ZNF878: variants seen among roughly 807,000 people sequenced by gnomAD.
The protein encoded by ZNF878 is zinc finger protein 878.
Under a neutral mutation model 11.1 loss-of-function variants are expected in ZNF878, and 10 were observed. The ratio of observed to expected loss-of-function variants is 0.90; its 90% CI spans 0.56 to 1.53. The LOEUF (loss-of-function observed/expected upper bound fraction) is 1.53, where lower values mean the gene tolerates loss of function less well. ZNF878 is among the 40% of genes most tolerant of loss of function. The pLI is 0.00. For synonymous variants in ZNF878, 165 were observed against 209.7 expected, an observed-to-expected ratio of 0.79 and a Z score of 1.84; for missense variants, 548 against 626.1, an observed-to-expected ratio of 0.88 and a Z score of 1.33.
At position 12,052,915 on chromosome 19, in the gene ZNF878, G is replaced by A; in HGVS notation, c.-114C>T. On this transcript the variant is annotated 5_prime_UTR_variant, in exon 1 of 4. Transcript: ENST00000547628. Reference sequence around the variant, plus strand: ...CGGCGGAAGTAACTGGTCCCTCTCGGAGCAAGAAAGCCCCAGACCTTAACT... The same window carrying A: ...CGGCGGAAGTAACTGGTCCCTCTCGAAGCAAGAAAGCCCCAGACCTTAACT... 1 of 1,463,106 alleles carries A rather than the reference G, an allele frequency of 6.8e-7. No homozygotes were observed. Among genetic ancestry groups the A allele is most frequent in the Non-Finnish European group, 9.2e-7 (1 of 1,086,016 alleles). The allele number at this position is 1,463,106 out of a possible 1,614,324, so 90.6% of individuals were successfully genotyped here. A position where few individuals can be genotyped will look rare whatever the true frequency, so the allele number is the denominator to read the frequency against.
chr19:12,043,929 G>T lies in ZNF878; in HGVS notation c.1472C>A (p.Ser491Tyr). 6.2e-7 allele frequency: 1 copy of T among 1,614,012 alleles called. No individual in the cohort carries two copies. Among genetic ancestry groups the T allele is most frequent in the South Asian group, 1.1e-5 (1 of 91,062 alleles). ...CKQCGKAFIS[S>Y]NSFLYHERIH... The stretch of plus-strand genomic sequence containing the variant: ...CCTTTCATGGTAGAGAAAAGAGTTG[G>T]AAGAAATGAAGGCTTTCCCACACTG... Residue 491 changes from serine (S) to tyrosine (Y), a missense_variant, in exon 4 of 4, where the codon TCC becomes TAC. Coordinates refer to ENST00000547628, the MANE Select transcript of ZNF878 (RefSeq NM_001080404.3).
chr19:12,050,676 CT>C (rs1555716455), intron 1 of ZNF878, among the ~76,000 whole-genome samples: 1 of 152,202 alleles, frequency 6.6e-6, no homozygotes, highest in Non-Finnish European at 1.5e-5. Flanking sequence ...GGAAAGACCC[CT>C]TCCCTCTTAA....
chr19:12,051,435 A>G (rs566784031), intron 1 of ZNF878, among the ~76,000 whole-genome samples: 2 of 152,170 alleles, frequency 1.3e-5, no homozygotes, highest in East Asian at 1.9e-4. Flanking sequence ...TTTTTTGCCT[A>G]TATAAGAAGG....
rs1245458390 is a variant in ZNF878, at chr19:12,045,035, T to A, written c.366A>T (p.Arg122Ser). The A allele has an allele frequency of 6.2e-7, 1 of 1,614,094 alleles. No homozygotes were observed. The highest frequency in any genetic ancestry group is 1.1e-5 in the South Asian group (1 of 91,070). Residue 122 changes from arginine (R) to serine (S), a missense_variant, in exon 4 of 4, where the codon AGA (arginine) becomes AGT (serine). Around this residue, in one of 3 missense-constraint regions of ZNF878, gnomAD observed 160 missense variants for 173.3 expected, o/e 0.92. Coordinates refer to ENST00000547628, the MANE Select transcript of ZNF878 (RefSeq NM_001080404.3). ...IGLSSLNRHL[R>S]AFSYSSSLAI... ...CAAGGCTACTGGAATAACTAAAGGC[T>A]CTGAGGTGCCTATTAAGGGATGAAA... is the stretch of plus-strand genomic sequence containing the variant.
downstream of ZNF878, chr19:12,043,777 T>C (rs1259274100): frequency 4.5e-6 from 7 of 1,551,052 alleles, no homozygotes; most frequent in Admixed American, 6.1e-5. Context: ...CTAAGGACTT[T>C]ACCATATTGC....
At chr19:12,045,829 C>T (rs562890482) in intron 3 of ZNF878, among the ~76,000 whole-genome samples, 24 of 151,994 alleles carry the variant, frequency 1.6e-4, no homozygotes, top group African/African-American at 5.5e-4. Context: ...CAGGTTCAAG[C>T]GATTCTCCTG....
intron 1 of ZNF878, among the ~76,000 whole-genome samples, chr19:12,047,719 A>AG (rs1975508583): frequency 6.6e-6 from 1 of 152,182 alleles, no homozygotes; most frequent in South Asian, 2.1e-4. Flanking sequence ...GCACTTTGGG[A>AG]GGCCAAGGCG....
At position 12,051,274 on chromosome 19, in the gene ZNF878, G is replaced by C. The variant is rs149132260; in HGVS notation, c.3+1525C>G. ...GATTGCGCCATTGCACTCCAGTCTCGGCAACAAGAGCGAAACTCCGTCTCA... is the reference window on the plus strand; with the variant it reads ...GATTGCGCCATTGCACTCCAGTCTCCGCAACAAGAGCGAAACTCCGTCTCA... On this transcript the variant is annotated intron_variant, in intron 1 of 3. Coordinates refer to ENST00000547628, the MANE Select transcript of ZNF878 (RefSeq NM_001080404.3). Among the ~76,000 whole-genome samples, 359 of 151,796 alleles carry C rather than the reference G, an allele frequency of 2.4e-3. 2 individuals are homozygous for C. The highest frequency in any genetic ancestry group is 8.3e-3 in the African/African-American group (344 of 41,394).
At position 12,048,290 on chromosome 19, in the gene ZNF878, G is replaced by A. The variant is rs187739230; in HGVS notation, c.4-1530C>T. On this transcript the variant is annotated intron_variant, in intron 1 of 3. Transcript: ENST00000547628. ...TCCCAGCACTTTGGGAGGCCGAGGC[G>A]GGTGGATCACGAGGTCAGGAGATTG... Among the ~76,000 whole-genome samples the A allele has an allele frequency of 3.0e-3, 447 of 149,638 alleles. 1 individual carries two copies. Among genetic ancestry groups the A allele is most frequent in the East Asian group, 0.021 (105 of 4,942 alleles).
At position 12,044,329 on chromosome 19, in the gene ZNF878, C is replaced by T; in HGVS notation, c.1072G>A (p.Glu358Lys). 6.2e-7 allele frequency: 1 copy of T among 1,612,628 alleles called. No homozygotes were observed. The highest frequency in any genetic ancestry group is 2.2e-5 in the East Asian group (1 of 44,846). The stretch of plus-strand genomic sequence containing the variant: ...GGTTTCTCTCCAGTGTGTGTCCTTT[C>T]ATGTATTCGAAGATCCTTGACAAAA... Reference protein sequence around the residue: ...FSFVKDLRIHERTHTGEKPFE... With the variant: ...FSFVKDLRIHKRTHTGEKPFE... Residue 358 changes from glutamate (E) to lysine (K), a missense_variant, in exon 4 of 4, where the codon GAA (glutamate) becomes AAA (lysine). Coordinates refer to ENST00000547628, the MANE Select transcript of ZNF878 (RefSeq NM_001080404.3).
At position 12,046,004 on chromosome 19, in the gene ZNF878, C is replaced by A. The variant is rs1599389792; in HGVS notation, c.191+364G>T. On this transcript the variant is annotated intron_variant, in intron 3 of 3. Transcript: ENST00000547628. ...AAAGTGCTGGGATTACAGGTGTGAG[C>A]CACCATGTCCAGCTTTTACATGCTA... The A allele has an allele frequency of 1.7e-5, 3 of 173,272 alleles. No homozygotes were observed. The East Asian group carries it at 4.7e-4, about 27-fold the overall frequency. The allele number at this position is 173,272 out of a possible 1,614,324, so 10.7% of individuals were successfully genotyped here.
chr19:12,046,420 A>AT lies in ZNF878; in HGVS notation c.138dup (p.Trp47MetfsTer7), dbSNP rs775158654. ...TCATCTTCAATGTACTGGTTGTTCC[A>AT]TTTTTTTCCTAAAATGCGGACCCAG... On this transcript the variant is annotated frameshift_variant, in exon 3 of 4. Transcript: ENST00000547628. LOFTEE classifies it high-confidence loss of function. 27 of 1,575,622 alleles carry AT rather than the reference A, an allele frequency of 1.7e-5. No individual in the cohort carries two copies. The highest frequency in any genetic ancestry group is 2.3e-5 in the South Asian group (2 of 85,208).
chr19:12,048,277 G>C (rs1975514298), intron 1 of ZNF878, among the ~76,000 whole-genome samples: 1 of 151,502 alleles, frequency 6.6e-6, no homozygotes, highest in Non-Finnish European at 1.5e-5. Flanking sequence ...CCAGCACTTT[G>C]GGAGGCCGAG....
At chr19:12,045,595 C>T (rs558276732) in intron 3 of ZNF878, among the ~76,000 whole-genome samples, 24 of 151,566 alleles carry the variant, frequency 1.6e-4, no homozygotes, top group South Asian at 1.5e-3. Context: ...TACAGTGAGC[C>T]GAGATCACAC....
chr19:12,043,736 C>A, downstream of ZNF878: 2 of 1,395,944 alleles, frequency 1.4e-6, no homozygotes, highest in African/African-American at 1.4e-5. Flanking sequence ...TGCAGTGAAT[C>A]CTTCCGTGCA....
rs1268423780 is a variant in ZNF878 at position 12,052,815 on chromosome 19, G to A, written c.-14C>T. The A allele has an allele frequency of 6.5e-7, 1 of 1,535,970 alleles. No homozygotes were observed. The highest frequency in any genetic ancestry group is 1.2e-5 in the South Asian group (1 of 84,050). Reference sequence around the variant, plus strand: ...CATGCTCACCATTTCCTGGCTTCCAGGTATTCTGGCGTCCTCTCTAAAGGT... The same window carrying A: ...CATGCTCACCATTTCCTGGCTTCCAAGTATTCTGGCGTCCTCTCTAAAGGT... On this transcript the variant is annotated 5_prime_UTR_variant, in exon 1 of 4. Coordinates refer to ENST00000547628, the MANE Select transcript of ZNF878 (RefSeq NM_001080404.3).
chr19:12,052,901 A>G lies in ZNF878; in HGVS notation c.-100T>C. ...AGCAACAGCAGCTACGGCGGAAGTA[A>G]CTGGTCCCTCTCGGAGCAAGAAAGC... On this transcript the variant is annotated 5_prime_UTR_variant, in exon 1 of 4. Coordinates refer to ENST00000547628, the MANE Select transcript of ZNF878 (RefSeq NM_001080404.3). The G allele has an allele frequency of 6.7e-7, 1 of 1,498,572 alleles. No homozygotes were observed. Among genetic ancestry groups the G allele is most frequent in the Admixed American group, 2.0e-5 (1 of 50,246 alleles). 92.8% of individuals were successfully genotyped at this position (1,498,572 alleles called of 1,614,324 possible). A position where few individuals can be genotyped will look rare whatever the true frequency, so the allele number is the denominator to read the frequency against.
chr19:12,045,254 T>C (rs1006204852), intron 3 of ZNF878, 45 bp from the exon 4 acceptor site: 1 of 1,448,588 alleles, frequency 6.9e-7, no homozygotes, highest in South Asian at 1.4e-5. Flanking sequence ...TCACTAATTT[T>C]AATTCCTTTG....
intron 1 of ZNF878, 28 bp downstream of exon 1, chr19:12,052,771 T>G (rs1975563959): frequency 4.6e-6 from 7 of 1,535,020 alleles, no homozygotes; most frequent in African/African-American, 1.4e-5. Flanking sequence ...TCCTTTCGCC[T>G]TGGGACTCCC....
Sources: allele counts gnomAD v4.1 joint callset (sites outside exome capture counted in the v4.1 genomes callset), GRCh38; gene constraint gnomAD v4.1.1; regional missense constraint gnomAD v4.1.1; transcripts MANE v1.5; gene names NCBI Gene and HGNC (gene_info 2026-07-23, HGNC 2026-07-21).